CEP128: variants seen among roughly 807,000 people sequenced by gnomAD.
CEP128 encodes centrosomal protein 128.
A neutral mutation model predicts 156.7 loss-of-function variants in CEP128; 132 were observed. That is an observed-to-expected ratio of 0.84 (90% CI 0.73 to 0.97). The LOEUF is 0.97. Ranked by LOEUF, CEP128 falls within the 50% of genes least tolerant of loss-of-function variation. The pLI is 0.00. For synonymous variants in CEP128, 469 were observed against 448.9 expected, an observed-to-expected ratio of 1.04 and a Z score of -0.57; for missense variants, 1,252 against 1,281.9, an observed-to-expected ratio of 0.98 and a Z score of 0.36.
chr14:80,818,930 T>C (rs570107159), intron 13 of CEP128, among the ~76,000 whole-genome samples: 12 of 152,340 alleles, frequency 7.9e-5, no homozygotes, highest in African/African-American at 2.9e-4. Context: ...AGCCATCCTT[T>C]TGCAATAGGA....
intron 23 of CEP128, among the ~76,000 whole-genome samples, chr14:80,508,362 T>C (rs566453779): frequency 6.6e-6 from 1 of 152,296 alleles, no homozygotes; most frequent in East Asian, 1.9e-4. Context: ...TAAAAACTTA[T>C]TAGCATAATT....
chr14:80,810,271 C>A (rs1473450706), intron 13 of CEP128, among the ~76,000 whole-genome samples: 1 of 126,178 alleles, frequency 7.9e-6, no homozygotes, highest in South Asian at 2.5e-4. Context: ...TGCAGCGAGC[C>A]GAGATCGCGC....
intron 19 of CEP128, among the ~76,000 whole-genome samples, chr14:80,645,175 C>T (rs1267889837): frequency 2.6e-5 from 4 of 151,944 alleles, no homozygotes; most frequent in Non-Finnish European, 1.5e-5. Flanking sequence ...ACTATTTTAC[C>T]CACTATACAG....
At chr14:80,896,601 T>G (rs963560297) in intron 7 of CEP128, among the ~76,000 whole-genome samples, 2 of 152,218 alleles carry the variant, frequency 1.3e-5, no homozygotes, top group African/African-American at 4.8e-5. Context: ...AATTATTCCA[T>G]CCTATGAAAT....
At chr14:80,911,043 G>A (rs970806633) in intron 4 of CEP128, among the ~76,000 whole-genome samples, 2 of 152,042 alleles carry the variant, frequency 1.3e-5, no homozygotes, top group Non-Finnish European at 2.9e-5. Flanking sequence ...ATCTCTATTT[G>A]GAAAAACTCT....
chr14:80,874,756 T>G (rs1462922648), intron 8 of CEP128, among the ~76,000 whole-genome samples: 1 of 152,066 alleles, frequency 6.6e-6, no homozygotes, highest in Non-Finnish European at 1.5e-5. Context: ...TAGCTGGGAC[T>G]ACAGGCGCCC....
At chr14:80,898,267 CTTT>C (rs1889441564) in intron 7 of CEP128, among the ~76,000 whole-genome samples, 1 of 152,098 alleles carries the variant, frequency 6.6e-6, no homozygotes, top group Admixed American at 6.5e-5. Flanking sequence ...GAAAGTTAAA[CTTT>C]TTAACTTCCT....
At chr14:80,557,314 T>G (rs1030545811) in intron 21 of CEP128, among the ~76,000 whole-genome samples, 1 of 152,210 alleles carries the variant, frequency 6.6e-6, no homozygotes, top group Admixed American at 6.5e-5. Context: ...ACGATAACAT[T>G]TGTTTGGTCC....
At chr14:80,801,558 A>C (rs1419977207) in intron 13 of CEP128, among the ~76,000 whole-genome samples, 1 of 152,142 alleles carries the variant, frequency 6.6e-6, no homozygotes, top group Non-Finnish European at 1.5e-5. Flanking sequence ...GGCAAAGGAT[A>C]TCAACAGACA....
At position 80,626,470 on chromosome 14, in the gene CEP128, C is replaced by CAAAAA. The variant is rs60238276; in HGVS notation, c.2807-46052_2807-46048dup. ...TGGGCGACAGAGCGAGACTCCGTCT[C>CAAAAA]AAAAAAAAAAAAAAAAAAAAAAAAA... On this transcript the variant is annotated intron_variant, in intron 19 of 24. Coordinates refer to ENST00000555265, the MANE Select transcript of CEP128 (RefSeq NM_152446.5). Among the ~76,000 whole-genome samples, 13 of 80,686 alleles carry CAAAAA rather than the reference C, an allele frequency of 1.6e-4. 1 individual carries two copies. The highest frequency in any genetic ancestry group is 3.9e-4 in the African/African-American group (7 of 17,754). 52.9% of individuals were successfully genotyped at this position (80,686 alleles called of 152,430 possible). A position where few individuals can be genotyped will look rare whatever the true frequency, so the allele number is the denominator to read the frequency against.
At chr14:80,489,651 C>T (rs1462592523), downstream of CEP128, among the ~76,000 whole-genome samples, 1 of 150,128 alleles carries the variant, frequency 6.7e-6, no homozygotes, top group African/African-American at 2.5e-5. Flanking sequence ...AAGAATACCA[C>T]CCACATGTGG....
chr14:80,594,639 A>G (rs1459330342), intron 19 of CEP128, among the ~76,000 whole-genome samples: 1 of 152,084 alleles, frequency 6.6e-6, no homozygotes, highest in Non-Finnish European at 1.5e-5. Flanking sequence ...AAAACAAACA[A>G]CCCCATCAAA....
intron 18 of CEP128, among the ~76,000 whole-genome samples, chr14:80,756,111 T>A (rs539522240): frequency 2.0e-5 from 3 of 152,100 alleles, no homozygotes; most frequent in African/African-American, 7.2e-5. Flanking sequence ...AAAAGAAAAA[T>A]GAGAAACGCA....
chr14:80,858,761 G>A (rs1433226021), intron 9 of CEP128, among the ~76,000 whole-genome samples: 3 of 151,822 alleles, frequency 2.0e-5, no homozygotes, highest in Admixed American at 2.0e-4. Flanking sequence ...CTTTTCAAAA[G>A]AAGACATTTA....
chr14:80,922,478 A>T (rs538743775), intron 2 of CEP128, among the ~76,000 whole-genome samples: 23 of 152,240 alleles, frequency 1.5e-4, no homozygotes, highest in Non-Finnish European at 3.1e-4. Flanking sequence ...AAGATGACTC[A>T]CTTAAAGAAA....
intron 7 of CEP128, among the ~76,000 whole-genome samples, chr14:80,897,780 T>C (rs1889414566): frequency 7.7e-6 from 1 of 129,912 alleles, no homozygotes; most frequent in Admixed American, 7.7e-5. Flanking sequence ...CCTCCTCAAA[T>C]CAATTTTTTT....
intron 19 of CEP128, among the ~76,000 whole-genome samples, chr14:80,604,789 G>C (rs1212880840): frequency 2.0e-5 from 3 of 152,022 alleles, no homozygotes; most frequent in Admixed American, 2.0e-4. Flanking sequence ...CCATGTTCAG[G>C]AGATTCTAGT....
chr14:80,787,828 A>G (rs1281867172), intron 14 of CEP128, among the ~76,000 whole-genome samples: 2 of 152,322 alleles, frequency 1.3e-5, no homozygotes, highest in East Asian at 1.9e-4. Flanking sequence ...GAAATATTAT[A>G]TCTTCCTGAA....
chr14:80,909,498 T>C (rs1195214542), intron 4 of CEP128, among the ~76,000 whole-genome samples: 1 of 151,886 alleles, frequency 6.6e-6, no homozygotes, highest in Non-Finnish European at 1.5e-5. Flanking sequence ...CCCCAAAATC[T>C]AATCTATCAA....
Sources: allele counts gnomAD v4.1 joint callset (sites outside exome capture counted in the v4.1 genomes callset), GRCh38; gene constraint gnomAD v4.1.1; transcripts MANE v1.5; gene names NCBI Gene and HGNC (gene_info 2026-07-23, HGNC 2026-07-21).